The following RAPH1 variants were observed in gnomAD, a reference collection of about 807,000 sequenced individuals.
RAPH1 encodes the protein Ras association (RalGDS/AF-6) and pleckstrin homology domains 1.
Under a neutral mutation model 88.1 loss-of-function variants are expected in RAPH1, and 18 were observed. That is an observed-to-expected ratio of 0.20 (90% CI 0.14 to 0.30). RAPH1 has a LOEUF of 0.30. Among genes scored for constraint, RAPH1 ranks in the 10% least tolerant of loss-of-function variants. RAPH1 has a pLI of 1.00. For missense variants in RAPH1, 1,448 were observed against 1,543.2 expected, an observed-to-expected ratio of 0.94 and a Z score of 1.03; for synonymous variants, 587 against 559.0, an observed-to-expected ratio of 1.05 and a Z score of -0.71.
intron 1 of RAPH1, among the ~76,000 whole-genome samples, chr2:203,524,498 A>C (rs1037968787): frequency 2.0e-5 from 3 of 152,204 alleles, no homozygotes; most frequent in African/African-American, 7.2e-5. Flanking sequence ...TGGAAAAACG[A>C]AATGTGGCAT....
At chr2:203,511,495 T>C (rs2105925243) in intron 1 of RAPH1, among the ~76,000 whole-genome samples, 1 of 152,348 alleles carries the variant, frequency 6.6e-6, no homozygotes, top group Admixed American at 6.5e-5. Context: ...AATGACTCTC[T>C]GGTAAAAATT....
intron 12 of RAPH1, chr2:203,446,335 A>C (rs2098509594): frequency 6.6e-6 from 1 of 151,940 alleles, no homozygotes; most frequent in African/African-American, 2.4e-5. Flanking sequence ...CCATTCTCAC[A>C]CACTATGTCA....
chr2:203,517,293 T>C (rs1424495105), intron 1 of RAPH1, among the ~76,000 whole-genome samples: 6 of 136,942 alleles, frequency 4.4e-5, no homozygotes. Context: ...AAGGGTCGAG[T>C]CTCCAAGATG....
chr2:203,461,441 C>A, intron 5 of RAPH1, 33 bp from the exon 6 acceptor site: 8 of 1,498,248 alleles, frequency 5.3e-6, no homozygotes, highest in Non-Finnish European at 7.2e-6. Flanking sequence ...TAAATGAACA[C>A]TAAAAAATGG....
chr2:203,509,452 TTTAA>T (rs1286368575), intron 1 of RAPH1, among the ~76,000 whole-genome samples: 1 of 152,190 alleles, frequency 6.6e-6, no homozygotes, highest in Admixed American at 6.5e-5. Context: ...AAAGTTAGTA[TTTAA>T]TTAAATTGAA....
At chr2:203,459,669 C>T (rs2098522784) in intron 7 of RAPH1, among the ~76,000 whole-genome samples, 1 of 152,134 alleles carries the variant, frequency 6.6e-6, no homozygotes, top group African/African-American at 2.4e-5. Context: ...CAAAACGGCT[C>T]ACCCCATCTG....
At chr2:203,462,267 A>T (rs1395892146) in intron 4 of RAPH1, among the ~76,000 whole-genome samples, 1 of 152,180 alleles carries the variant, frequency 6.6e-6, no homozygotes, top group Non-Finnish European at 1.5e-5. Flanking sequence ...TATAGTGGTG[A>T]CAATTTGTTT....
At chr2:203,530,009 C>G (rs928366205) in intron 1 of RAPH1, among the ~76,000 whole-genome samples, 2 of 152,166 alleles carry the variant, frequency 1.3e-5, no homozygotes, top group African/African-American at 4.8e-5. Context: ...AACAGAATAC[C>G]TATCTTAGAT....
chr2:203,526,218 C>T (rs537149353), intron 1 of RAPH1, among the ~76,000 whole-genome samples: 17 of 151,818 alleles, frequency 1.1e-4, no homozygotes, highest in African/African-American at 2.2e-4. Flanking sequence ...AATTTGCTAA[C>T]GTTTTTTAAA....
At chr2:203,475,412 A>T (rs1165441378) in intron 4 of RAPH1, among the ~76,000 whole-genome samples, 2 of 152,210 alleles carry the variant, frequency 1.3e-5, no homozygotes, top group East Asian at 3.9e-4. Flanking sequence ...GTCTCAAAAA[A>T]AAAGAAATAA....
intron 4 of RAPH1, among the ~76,000 whole-genome samples, chr2:203,483,781 C>T (rs752139762): frequency 8.5e-5 from 13 of 152,126 alleles, no homozygotes; most frequent in Non-Finnish European, 1.6e-4. Context: ...GATTTCCTCC[C>T]TATCCTTCCT....
At chr2:203,454,326 G>A (rs2098517387) in intron 10 of RAPH1, 104 bp downstream of exon 10, 1 of 755,772 alleles carries the variant, frequency 1.3e-6, no homozygotes, top group African/African-American at 1.8e-5. Context: ...TGAGAATAAA[G>A]CAAAAACAGT....
In RAPH1 at chr2:203,434,438, C is replaced by T. The variant is rs2153631086; in HGVS notation, c.*4999G>A. ...AACAATGTTTTTAAAACACTTAGCA[C>T]AAGCTAATTTTATCTTAAATGTACA... On this transcript the variant is annotated 3_prime_UTR_variant, in exon 14 of 14. Coordinates refer to ENST00000319170, the MANE Select transcript of RAPH1 (RefSeq NM_213589.3). 1 of 152,566 alleles carries T rather than the reference C, an allele frequency of 6.6e-6. No homozygotes were observed. Among genetic ancestry groups the T allele is most frequent in the Admixed American group, 6.5e-5 (1 of 15,280 alleles). The allele number at this position is 152,566 out of a possible 1,614,324, so 9.5% of individuals were successfully genotyped here.
chr2:203,509,643 T>C (rs756579589), intron 1 of RAPH1, among the ~76,000 whole-genome samples: 6 of 152,206 alleles, frequency 3.9e-5, no homozygotes, highest in Non-Finnish European at 8.8e-5. Context: ...TAGGAGGTAT[T>C]ACTAAAGTTG....
At chr2:203,444,650 A>G (rs565394896) in intron 13 of RAPH1, 11 of 431,906 alleles carry the variant, frequency 2.5e-5, no homozygotes, top group African/African-American at 2.2e-4. Context: ...ATTTTAAGTC[A>G]TTAGAGCCAA....
intron 1 of RAPH1, among the ~76,000 whole-genome samples, chr2:203,513,510 T>C (rs1178520868): frequency 1.8e-5 from 2 of 112,902 alleles, no homozygotes; most frequent in East Asian, 3.1e-4. Context: ...CACCACATTA[T>C]GCCCCGCCCG....
At chr2:203,444,510 A>G in intron 13 of RAPH1, 1 of 243,426 alleles carries the variant, frequency 4.1e-6, no homozygotes. Flanking sequence ...TCTAGAATTT[A>G]GGGCATTTGC....
chr2:203,444,640 A>AT (rs894493330), intron 13 of RAPH1: 50 of 419,832 alleles, frequency 1.2e-4, no homozygotes, highest in African/African-American at 9.6e-4. Context: ...TTTTTTTGAG[A>AT]TTTTAAGTCA....
Position 203,489,685 on chromosome 2 carries a change from T to C in RAPH1, c.631A>G (p.Ser211Gly). ...ATGCTGGAGGCTGCGGAAGTGATGC[T>C]GGAATGGGAGGAATTACTAATAGAG... ...VHSISNSSHS[S>G]ITSAASSMDS... Residue 211 changes from serine to glycine, a missense_variant, in exon 4 of 14, where the codon AGC (serine) becomes GGC (glycine). Physicochemically the swap from Ser to Gly is moderately conservative, Grantham distance 56. Around this residue, in one of 2 missense-constraint regions of RAPH1, gnomAD observed 513 missense variants for 653.1 expected, o/e 0.79. Transcript: ENST00000319170. 1 of 1,614,182 alleles carries C rather than the reference T, an allele frequency of 6.2e-7. No individual in the cohort carries two copies. The highest frequency in any genetic ancestry group is 8.5e-7 in the Non-Finnish European group (1 of 1,180,028).
Sources: allele counts gnomAD v4.1 joint callset (sites outside exome capture counted in the v4.1 genomes callset), GRCh38; gene constraint gnomAD v4.1.1; regional missense constraint gnomAD v4.1.1; transcripts MANE v1.5; gene names NCBI Gene and HGNC (gene_info 2026-07-23, HGNC 2026-07-21).